The following ZNF618 variants were observed in gnomAD, a reference collection of about 807,000 sequenced individuals.
ZNF618 encodes the protein zinc finger protein 618.
Under a neutral mutation model 103.0 loss-of-function variants are expected in ZNF618, and 34 were observed. The observed-to-expected ratio is 0.33, with a 90% CI of 0.25 to 0.44. The LOEUF is 0.44. ZNF618 is among the 20% of genes least tolerant of loss of function. The pLI is 1.00. For synonymous variants in ZNF618, 551 were observed against 542.2 expected (o/e 1.02, Z -0.23); for missense variants, 1,059 against 1,295.4 (o/e 0.82, Z 2.80).
chr9:114,022,076 G>A (rs1048540853), intron 10 of ZNF618, among the ~76,000 whole-genome samples: 2 of 152,064 alleles, frequency 1.3e-5, no homozygotes, highest in East Asian at 3.8e-4. Flanking sequence ...ACAAGCCTTT[G>A]TAAGGAAAAA....
intron 1 of ZNF618, among the ~76,000 whole-genome samples, chr9:113,955,490 G>A (rs895261568): frequency 3.3e-5 from 5 of 151,852 alleles, no homozygotes; most frequent in Admixed American, 1.3e-4. Context: ...ACTATTTTGC[G>A]TATACTATTT....
chr9:113,902,895 T>C (rs1830681355), intron 1 of ZNF618, among the ~76,000 whole-genome samples: 1 of 152,244 alleles, frequency 6.6e-6, no homozygotes, highest in Non-Finnish European at 1.5e-5. Flanking sequence ...ACTTCTCATT[T>C]GCCTTAACTG....
At chr9:113,894,773 A>G (rs1383641191) in intron 1 of ZNF618, among the ~76,000 whole-genome samples, 5 of 152,206 alleles carry the variant, frequency 3.3e-5, no homozygotes, top group African/African-American at 9.6e-5. Flanking sequence ...ATGTGGGTAC[A>G]TAGAAAAACT....
intron 1 of ZNF618, among the ~76,000 whole-genome samples, chr9:113,900,665 G>A (rs533619156): frequency 2.0e-5 from 3 of 147,830 alleles, no homozygotes; most frequent in Non-Finnish European, 4.5e-5. Context: ...TCCTAGCACC[G>A]TCCTCTCCCG....
intron 6 of ZNF618, among the ~76,000 whole-genome samples, chr9:114,005,312 CA>C (rs1334769914): frequency 1.3e-5 from 2 of 152,102 alleles, no homozygotes; most frequent in African/African-American, 2.4e-5. Context: ...CTTTCACTGA[CA>C]AAAAAATGAT....
At chr9:114,024,645 A>G (rs539693298) in intron 10 of ZNF618, among the ~76,000 whole-genome samples, 1 of 152,288 alleles carries the variant, frequency 6.6e-6, no homozygotes, top group African/African-American at 2.4e-5. Context: ...AGTATTGAGC[A>G]AGGTCTCGCC....
At chr9:113,891,940 TGAG>T (rs749533209) in intron 1 of ZNF618, among the ~76,000 whole-genome samples, 38 of 152,098 alleles carry the variant, frequency 2.5e-4, no homozygotes, top group Admixed American at 7.2e-4. Context: ...GGATGAAACT[TGAG>T]GACATTCTGC....
intron 2 of ZNF618, among the ~76,000 whole-genome samples, chr9:113,977,569 C>T (rs1201446962): frequency 6.6e-6 from 1 of 152,258 alleles, no homozygotes; most frequent in African/African-American, 2.4e-5. Flanking sequence ...GGCCTCTACT[C>T]CATACCTGTC....
chr9:113,986,245 G>T (rs929406729), intron 2 of ZNF618, among the ~76,000 whole-genome samples: 7 of 152,220 alleles, frequency 4.6e-5, no homozygotes, highest in African/African-American at 1.7e-4. Context: ...AAGGCTCAGA[G>T]GTTAGGTGGC....
chr9:114,055,935 C>G lies in ZNF618; in HGVS notation c.*5768C>G, dbSNP rs1846459244. The G allele has an allele frequency of 6.6e-6, 1 of 151,744 alleles. No homozygotes were observed. The highest frequency in any genetic ancestry group is 2.4e-5 in the African/African-American group (1 of 41,130). 9.4% of individuals were successfully genotyped at this position (151,744 alleles called of 1,614,324 possible). ...CTCAAGTCTTCACGAGGGGTTTAGG[C>G]AGGGCCATCTTGGGGACCCTGTGTA... On this transcript the variant is annotated 3_prime_UTR_variant, in exon 15 of 15. Coordinates refer to ENST00000374126, the MANE Select transcript of ZNF618 (RefSeq NM_001318042.2).
intron 1 of ZNF618, among the ~76,000 whole-genome samples, chr9:113,916,542 A>G (rs1356672206): frequency 1.3e-5 from 2 of 152,204 alleles, no homozygotes; most frequent in Admixed American, 1.3e-4. Context: ...TGGAAAGGGA[A>G]GGGCACTGAA....
intron 9 of ZNF618, among the ~76,000 whole-genome samples, chr9:114,016,447 C>G (rs902574251): frequency 3.3e-5 from 5 of 152,068 alleles, no homozygotes; most frequent in Non-Finnish European, 7.4e-5. Context: ...CAAGGTGGTC[C>G]TATTATGACC....
At chr9:113,988,772 C>T (rs906724779) in intron 3 of ZNF618, among the ~76,000 whole-genome samples, 192 bp downstream of exon 3, 9 of 152,180 alleles carry the variant, frequency 5.9e-5, no homozygotes, top group African/African-American at 1.2e-4. Context: ...GGCTGGAGAG[C>T]GCTTCTGTTT....
chr9:114,007,510 C>T, intron 7 of ZNF618, 71 bp downstream of exon 7: 1 of 1,408,562 alleles, frequency 7.1e-7, no homozygotes, highest in Non-Finnish European at 9.8e-7. Flanking sequence ...AGCCCCCAGC[C>T]CTCCCCGCCT....
intron 1 of ZNF618, among the ~76,000 whole-genome samples, chr9:113,904,717 G>A (rs1389125417): frequency 2.0e-5 from 3 of 152,170 alleles, no homozygotes; most frequent in East Asian, 3.8e-4. Context: ...AGCCCTAGGG[G>A]AGAATCTGTT....
intron 1 of ZNF618, among the ~76,000 whole-genome samples, chr9:113,961,333 ATTAT>A (rs1242128373): frequency 6.6e-6 from 1 of 152,182 alleles, no homozygotes; most frequent in Non-Finnish European, 1.5e-5. Flanking sequence ...GTCCCCAGTA[ATTAT>A]TTTAGTTCCC....
At chr9:114,003,185 C>T (rs1841415036) in intron 6 of ZNF618, among the ~76,000 whole-genome samples, 2 of 152,234 alleles carry the variant, frequency 1.3e-5, no homozygotes, top group African/African-American at 2.4e-5. Flanking sequence ...TGCCATATCC[C>T]AGCACCTGGG....
At chr9:114,040,492 C>G (rs1468640173) in intron 13 of ZNF618, among the ~76,000 whole-genome samples, 1 of 152,138 alleles carries the variant, frequency 6.6e-6, no homozygotes, top group Admixed American at 6.5e-5. Context: ...CCCCCCACCC[C>G]ACAACCGGCC....
At chr9:114,040,942 C>T (rs1212820382) in intron 13 of ZNF618, among the ~76,000 whole-genome samples, 3 of 152,080 alleles carry the variant, frequency 2.0e-5, no homozygotes, top group African/African-American at 7.3e-5. Flanking sequence ...TTTACAGTCC[C>T]ACCAACAGTG....
Sources: allele counts gnomAD v4.1 joint callset (sites outside exome capture counted in the v4.1 genomes callset), GRCh38; gene constraint gnomAD v4.1.1; transcripts MANE v1.5; gene names NCBI Gene and HGNC (gene_info 2026-07-23, HGNC 2026-07-21).